OR1J2: variants seen among roughly 807,000 people sequenced by gnomAD.
The protein encoded by OR1J2 is olfactory receptor 1J2.
For synonymous variants in OR1J2, 142 were observed against 99.7 expected (o/e 1.42, Z -2.52); for missense variants, 304 against 246.1 (o/e 1.24, Z -1.57).
the OR1J2 span, among the ~76,000 whole-genome samples, chr9:122,487,256 A>C: frequency 6.6e-6 from 1 of 152,160 alleles, no homozygotes; most frequent in African/African-American, 2.4e-5. Flanking sequence ...TTATTTTTTA[A>C]ACCTTGAAGA....
At chr9:122,560,750 G>C in the OR1J2 span, among the ~76,000 whole-genome samples, 1 of 152,124 alleles carries the variant, frequency 6.6e-6, no homozygotes, top group African/African-American at 2.4e-5. Context: ...CTGTCTGGCT[G>C]CCCTTAACAT....
At chr9:122,451,342 A>C in the OR1J2 span, among the ~76,000 whole-genome samples, 3 of 151,916 alleles carry the variant, frequency 2.0e-5, no homozygotes, top group East Asian at 3.9e-4. Context: ...TGCGCCACCA[A>C]GCCCAGCTAA....
the OR1J2 span, among the ~76,000 whole-genome samples, chr9:122,487,774 A>AT: frequency 2.6e-5 from 4 of 152,218 alleles, no homozygotes; most frequent in African/African-American, 9.6e-5. Flanking sequence ...TTAGGGGCTA[A>AT]TTACTGTATT....
chr9:122,498,104 G>C, the OR1J2 span, among the ~76,000 whole-genome samples: 2 of 151,756 alleles, frequency 1.3e-5, no homozygotes, highest in Admixed American at 1.3e-4. Context: ...AGCCAAGCGT[G>C]TGGTCAATCT....
the OR1J2 span, among the ~76,000 whole-genome samples, chr9:122,528,593 G>A: frequency 5.9e-5 from 9 of 152,222 alleles, no homozygotes; most frequent in East Asian, 3.9e-4. Flanking sequence ...GCAAGACTCC[G>A]TCTAAAATAA....
the OR1J2 span, among the ~76,000 whole-genome samples, chr9:122,485,137 A>G: frequency 6.6e-6 from 1 of 152,138 alleles, no homozygotes; most frequent in African/African-American, 2.4e-5. Context: ...ACCGAGTGAC[A>G]GGAAGAGTGT....
At chr9:122,500,651 G>C in the OR1J2 span, among the ~76,000 whole-genome samples, 1 of 152,216 alleles carries the variant, frequency 6.6e-6, no homozygotes, top group African/African-American at 2.4e-5. Context: ...GACTAAAGCT[G>C]TTATGACGGT....
chr9:122,568,719 A>G, the OR1J2 span: 34 of 393,414 alleles, frequency 8.6e-5, no homozygotes, highest in East Asian at 6.8e-4. Flanking sequence ...GTTTTCCTTT[A>G]GAAACTTTCA....
chr9:122,570,698 CA>C, the OR1J2 span, among the ~76,000 whole-genome samples: 1 of 152,208 alleles, frequency 6.6e-6, no homozygotes, highest in South Asian at 2.1e-4. Context: ...AATTATCTCA[CA>C]TGCTTAAAAT....
the OR1J2 span, among the ~76,000 whole-genome samples, chr9:122,522,082 T>A: frequency 8.9e-3 from 1,351 of 152,310 alleles, 17 homozygotes; most frequent in African/African-American, 0.031. Context: ...ATCAATCACA[T>A]TGGAAGTGTG....
At chr9:122,508,260 A>G (rs1316641001), upstream of OR1J2, among the ~76,000 whole-genome samples, 3 of 152,094 alleles carry the variant, frequency 2.0e-5, no homozygotes, top group Non-Finnish European at 4.4e-5. Flanking sequence ...GCTTGAGCCT[A>G]GCACACTTGG....
At chr9:122,532,653 G>A in the OR1J2 span, among the ~76,000 whole-genome samples, 1 of 150,712 alleles carries the variant, frequency 6.6e-6, no homozygotes, top group East Asian at 2.0e-4. Context: ...AATTATGAGA[G>A]CTGTAGAGAG....
chr9:122,498,416 C>G, the OR1J2 span, among the ~76,000 whole-genome samples: 3 of 152,084 alleles, frequency 2.0e-5, no homozygotes, highest in African/African-American at 7.2e-5. Flanking sequence ...TCTGCTTGGT[C>G]CAGTCTATTG....
At chr9:122,569,438 T>TA in the OR1J2 span, among the ~76,000 whole-genome samples, 13 of 152,362 alleles carry the variant, frequency 8.5e-5, no homozygotes, top group African/African-American at 2.2e-4. Flanking sequence ...CTTGCTACTA[T>TA]AAAAAAACTC....
chr9:122,518,306 G>T, the OR1J2 span, among the ~76,000 whole-genome samples: 3 of 152,188 alleles, frequency 2.0e-5, no homozygotes, highest in African/African-American at 7.2e-5. Context: ...TGTCTTAGTC[G>T]GTTGGGCTGC....
the OR1J2 span, chr9:122,475,620 T>G: frequency 6.9e-4 from 105 of 152,262 alleles, no homozygotes; most frequent in African/African-American, 2.5e-3. Flanking sequence ...CGATATTGAT[T>G]ATTATTATTA....
the OR1J2 span, among the ~76,000 whole-genome samples, chr9:122,464,688 A>T: frequency 2.7e-3 from 411 of 152,304 alleles, no homozygotes; most frequent in Middle Eastern, 6.8e-3. Context: ...GGAACTGGGT[A>T]GGTAACCACA....
the OR1J2 span, among the ~76,000 whole-genome samples, chr9:122,518,578 GT>G: frequency 6.6e-6 from 1 of 152,104 alleles, no homozygotes; most frequent in East Asian, 1.9e-4. Context: ...TAAATATTTT[GT>G]GTAAGATTTA....
the OR1J2 span, chr9:122,553,801 T>C: frequency 1.2e-6 from 2 of 1,614,084 alleles, no homozygotes; most frequent in Non-Finnish European, 1.7e-6. Context: ...GATACCCATG[T>C]AAACGAGCTG....
Sources: gnomAD v4.1 joint callset for allele counts (sites outside exome capture counted in the v4.1 genomes callset) on GRCh38, gnomAD v4.1.1 for gene constraint, MANE v1.5 for transcripts, NCBI Gene and HGNC (gene_info 2026-07-23, HGNC 2026-07-21) for gene names.